The following ASAP1 variants were observed in gnomAD, a reference collection of about 807,000 sequenced individuals.
ASAP1 encodes the protein ArfGAP with SH3 domain, ankyrin repeat and PH domain 1, also known as arf-GAP with SH3 domain, ANK repeat and PH domain-containing protein 1.
In ASAP1, 43 loss-of-function variants were observed where a neutral mutation model predicts 145.2. The observed-to-expected ratio is 0.30, with a 90% CI of 0.23 to 0.38. The LOEUF (loss-of-function observed/expected upper bound fraction) is 0.38. ASAP1 is among the 10% of genes least tolerant of loss of function. The pLI is 1.00. For synonymous variants in ASAP1, 546 were observed against 515.5 expected, an observed-to-expected ratio of 1.06 and a Z score of -0.80; for missense variants, 1,018 against 1,355.3, an observed-to-expected ratio of 0.75 and a Z score of 3.91.
rs765339752 is a variant in ASAP1, at chr8:130,079,966, C to A, written c.2578G>T (p.Asp860Tyr). The change falls in exon 26 of 30, where the codon GAT becomes TAT. Residue 860 changes from aspartate (D) to tyrosine (Y), a missense_variant. Physicochemically the swap from Asp to Tyr is radical, Grantham distance 160 (BLOSUM62 -3). Transcript: ENST00000518721. Reference sequence around the variant, plus strand: ...TTACTTGAAGAGGATGGACCCCCATCGTTACCTACAAGGAAAACCGAAGGT... The same window carrying A: ...TTACTTGAAGAGGATGGACCCCCATAGTTACCTACAAGGAAAACCGAAGGT... The part of the protein sequence containing the change: ...PNKGAVPWGN[D>Y]GGPSSSSKTT... 8.1e-6 allele frequency: 13 copies of A among 1,613,874 alleles called. No individual in the cohort carries two copies. Among genetic ancestry groups the A allele is most frequent in the Non-Finnish European group, 1.1e-5 (13 of 1,179,888 alleles).
chr8:130,076,490 G>T, intron 26 of ASAP1, 84 bp from the exon 27 acceptor site: 3 of 1,027,368 alleles, frequency 2.9e-6, no homozygotes, highest in African/African-American at 1.6e-5. Context: ...TCAAATCAAA[G>T]GTATTTACAT....
intron 13 of ASAP1, among the ~76,000 whole-genome samples, chr8:130,147,735 C>T (rs1048908754): frequency 2.0e-5 from 3 of 152,174 alleles, no homozygotes; most frequent in Admixed American, 1.3e-4. Flanking sequence ...TGTGGTCTGA[C>T]TCTCCCCCTG....
chr8:130,098,186 G>A (rs139461398), intron 24 of ASAP1, among the ~76,000 whole-genome samples: 331 of 152,268 alleles, frequency 2.2e-3, no homozygotes, highest in African/African-American at 7.7e-3. Flanking sequence ...CAGCAAATGA[G>A]CAGCTACGTC....
chr8:130,237,224 C>A (rs1818269078), intron 3 of ASAP1, among the ~76,000 whole-genome samples: 1 of 152,046 alleles, frequency 6.6e-6, no homozygotes, highest in African/African-American at 2.4e-5. Context: ...AAATGGATAG[C>A]ATTTTAGTCA....
At chr8:130,306,201 T>C (rs924159116) in intron 3 of ASAP1, among the ~76,000 whole-genome samples, 1 of 152,230 alleles carries the variant, frequency 6.6e-6, no homozygotes, top group Non-Finnish European at 1.5e-5. Flanking sequence ...AAATTATGTA[T>C]AGAAACACCT....
At chr8:130,280,089 A>G (rs529731624) in intron 3 of ASAP1, among the ~76,000 whole-genome samples, 5 of 152,272 alleles carry the variant, frequency 3.3e-5, no homozygotes, top group African/African-American at 1.2e-4. Flanking sequence ...GTTCTTGACT[A>G]TTTTGCTGAC....
rs62524650 is a variant in ASAP1 at position 130,160,933 on chromosome 8, G to A, written c.910-969C>T. ...AAATATCACTGTAAAGATAATACCA[G>A]AAAACACATACACCTCTAGATTCAG... On this transcript the variant is annotated intron_variant, in intron 11 of 29. Transcript: ENST00000518721. 8.1e-6 allele frequency: 4 copies of A among 491,664 alleles called. No individual in the cohort carries two copies. The Admixed American group carries it at 1.1e-4, about 14-fold the overall frequency. 30.5% of individuals were successfully genotyped at this position (491,664 alleles called of 1,614,324 possible). A position where few individuals can be genotyped will look rare whatever the true frequency, so the allele number is the denominator to read the frequency against.
intron 1 of ASAP1, among the ~76,000 whole-genome samples, chr8:130,423,488 G>GT (rs1362531821): frequency 2.0e-5 from 3 of 152,132 alleles, no homozygotes; most frequent in Non-Finnish European, 4.4e-5. Flanking sequence ...TTTGTCAAAA[G>GT]TAAGTATTTG....
rs571573965 is a variant in ASAP1, at chr8:130,441,551, G to C, written c.-28+1909C>G. ...AAATGGCAGGAACAACACTGTCCTA[G>C]CTAACTGGGGTTCCCTTCTTTCCTC... On this transcript the variant is annotated intron_variant, in intron 1 of 29. Transcript: ENST00000518721. Among the ~76,000 whole-genome samples the C allele has an allele frequency of 9.8e-5, 15 of 152,326 alleles. No homozygotes were observed. In the South Asian group the frequency reaches 1.5e-3, roughly 15 times the overall value.
At chr8:130,232,072 T>C (rs374502981) in intron 4 of ASAP1, among the ~76,000 whole-genome samples, 5 of 152,322 alleles carry the variant, frequency 3.3e-5, no homozygotes, top group South Asian at 4.1e-4. Flanking sequence ...ATCCTCAATA[T>C]GGTAGCTGGC....
At chr8:130,059,895 T>C (rs983590962) in intron 28 of ASAP1, among the ~76,000 whole-genome samples, 5 of 151,272 alleles carry the variant, frequency 3.3e-5, no homozygotes, top group Admixed American at 2.0e-4. Flanking sequence ...CTGGGCAACA[T>C]GGCAAAACCC....
intron 29 of ASAP1, among the ~76,000 whole-genome samples, chr8:130,056,936 T>C (rs534034830): frequency 1.1e-4 from 17 of 152,320 alleles, no homozygotes; most frequent in South Asian, 4.1e-4. Context: ...TGAAAACCAA[T>C]AGATGTGTGG....
intron 3 of ASAP1, among the ~76,000 whole-genome samples, chr8:130,331,874 G>A (rs1824715490): frequency 6.6e-6 from 1 of 152,128 alleles, no homozygotes; most frequent in Non-Finnish European, 1.5e-5. Context: ...GCTGAAAAAT[G>A]GGGAAACTGA....
At chr8:130,057,855 G>C in intron 29 of ASAP1, 99 bp downstream of exon 29, 1 of 1,483,966 alleles carries the variant, frequency 6.7e-7, no homozygotes, top group Non-Finnish European at 9.2e-7. Flanking sequence ...TTGTGCTCAA[G>C]AGCCCTCTTT....
chr8:130,167,707 A>G, intron 10 of ASAP1, 85 bp from the exon 11 acceptor site: 1 of 964,068 alleles, frequency 1.0e-6, no homozygotes, highest in Non-Finnish European at 1.6e-6. Flanking sequence ...CACTCATCAA[A>G]ATTCTATTAT....
chr8:130,122,643 GTCACATAGTT>G (rs1452771298), intron 18 of ASAP1, among the ~76,000 whole-genome samples: 5 of 152,316 alleles, frequency 3.3e-5, no homozygotes, highest in African/African-American at 1.2e-4. Context: ...CTTGTCCAAG[GTCACATAGTT>G]TAGGAAGTGG....
At chr8:130,366,245 A>G (rs76705286) in intron 2 of ASAP1, among the ~76,000 whole-genome samples, 2 of 152,310 alleles carry the variant, frequency 1.3e-5, no homozygotes, top group African/African-American at 4.8e-5. Flanking sequence ...ATTGCCTACT[A>G]TTTAAAAATT....
At chr8:130,191,052 T>G (rs890570502) in intron 5 of ASAP1, among the ~76,000 whole-genome samples, 1 of 148,156 alleles carries the variant, frequency 6.7e-6, no homozygotes, top group African/African-American at 2.6e-5. Context: ...GGAAATAGTT[T>G]TTTTTTTTTT....
At chr8:130,281,047 A>G (rs996179434) in intron 3 of ASAP1, among the ~76,000 whole-genome samples, 1 of 152,148 alleles carries the variant, frequency 6.6e-6, no homozygotes, top group Non-Finnish European at 1.5e-5. Flanking sequence ...ATGTATATGT[A>G]CTCAAAAAAC....
Sources: gnomAD v4.1 joint callset for allele counts (sites outside exome capture counted in the v4.1 genomes callset) on GRCh38, gnomAD v4.1.1 for gene constraint, MANE v1.5 for transcripts, NCBI Gene and HGNC (gene_info 2026-07-23, HGNC 2026-07-21) for gene names.